MYH11: variants seen among roughly 807,000 people sequenced by gnomAD.
MYH11 encodes the protein myosin-11.
In MYH11, 80 loss-of-function variants were observed where a neutral mutation model predicts 246.6. The ratio of observed to expected loss-of-function variants is 0.32; its 90% CI spans 0.27 to 0.39. The LOEUF (loss-of-function observed/expected upper bound fraction) is 0.39. MYH11 is among the 10% of genes least tolerant of loss of function. The pLI is 1.00. For missense variants in MYH11, 2,158 were observed against 2,546.8 expected, an observed-to-expected ratio of 0.85 and a Z score of 3.29; for synonymous variants, 1,071 against 1,015.5, an observed-to-expected ratio of 1.05 and a Z score of -1.04.
At position 15,737,624 on chromosome 16, in the gene MYH11, CA is replaced by C; in HGVS notation, c.3122-5del. On this transcript the variant is annotated splice_region_variant and splice_polypyrimidine_tract_variant and intron_variant, in intron 24 of 40. Transcript: ENST00000300036. Reference sequence around the variant, plus strand: ...TTCTCTTCCTTCTTTAGCCGCACTGCAAAAACCAAGGTGCTCTTCAGGAAGG... The same window carrying C: ...TTCTCTTCCTTCTTTAGCCGCACTGCAAAACCAAGGTGCTCTTCAGGAAGG... 1.9e-6 allele frequency: 3 copies of C among 1,611,536 alleles called. No homozygotes were observed.
At chr16:15,794,915 A>C (rs2042707375) in intron 4 of MYH11, among the ~76,000 whole-genome samples, 1 of 152,256 alleles carries the variant, frequency 6.6e-6, no homozygotes, top group Non-Finnish European at 1.5e-5. Context: ...TCAGTCTTCC[A>C]AGTCACAGTA....
At chr16:15,798,087 T>G (rs1279177972) in intron 4 of MYH11, among the ~76,000 whole-genome samples, 1 of 152,188 alleles carries the variant, frequency 6.6e-6, no homozygotes, top group Non-Finnish European at 1.5e-5. Flanking sequence ...GAGTTCAATG[T>G]CAATGAATCA....
At chr16:15,753,987 T>C (rs1165727515) in intron 14 of MYH11, among the ~76,000 whole-genome samples, 8 of 151,732 alleles carry the variant, frequency 5.3e-5, no homozygotes, top group Non-Finnish European at 7.4e-5. Context: ...GGGTGGATCA[T>C]TTGAGGTCAG....
intron 6 of MYH11, among the ~76,000 whole-genome samples, chr16:15,781,252 C>T (rs1032402035): frequency 1.3e-5 from 2 of 152,166 alleles, no homozygotes; most frequent in Admixed American, 6.5e-5. Context: ...ATTTCTTCTT[C>T]ATATTCCAGT....
intron 5 of MYH11, chr16:15,786,182 C>G (rs1294661654): frequency 5.8e-6 from 2 of 346,086 alleles, no homozygotes; most frequent in Non-Finnish European, 1.1e-5. Flanking sequence ...CAGGGAACAT[C>G]TGACAATGTC....
At chr16:15,787,311 G>C (rs1213062665) in intron 4 of MYH11, among the ~76,000 whole-genome samples, 2 of 151,996 alleles carry the variant, frequency 1.3e-5, no homozygotes, top group East Asian at 3.9e-4. Context: ...AGGAGGCTGA[G>C]GTGGGAGGAT....
At position 15,771,480 on chromosome 16, in the gene MYH11, A is replaced by AGAAATCTGTCCT; in HGVS notation, c.1033+77_1033+88dup. ...ATGGAAGGTGGGGAATTCAGAGAGC[A>AGAAATCTGTCCT]GAAATCTGTCCTGACCAGAGAAGAG... is the stretch of plus-strand genomic sequence containing the variant. On this transcript the variant is annotated intron_variant, in intron 9 of 40. Coordinates refer to ENST00000300036, the MANE Select transcript of MYH11 (RefSeq NM_002474.3). 3.6e-6 allele frequency: 5 copies of AGAAATCTGTCCT among 1,370,386 alleles called. No homozygotes were observed. In the South Asian group the frequency reaches 6.8e-5, roughly 19 times the overall value. The allele number at this position is 1,370,386 out of a possible 1,614,324, so 84.9% of individuals were successfully genotyped here.
intron 5 of MYH11, chr16:15,786,324 A>G: frequency 4.1e-6 from 2 of 490,886 alleles, no homozygotes; most frequent in South Asian, 3.8e-5. Context: ...TCTGGTCCAA[A>G]ATGACATCAG....
rs1234885453 is a variant in MYH11 at position 15,833,385 on chromosome 16, G to GAGGAAGGA, written c.345+4515_345+4522dup. Among the ~76,000 whole-genome samples the GAGGAAGGA allele has an allele frequency of 9.9e-5, 11 of 110,606 alleles. 1 individual carries two copies. In the South Asian group the frequency reaches 2.4e-3, roughly 24 times the overall value. 72.6% of individuals were successfully genotyped at this position (110,606 alleles called of 152,430 possible). ...AGAAAGAGAGAGGGAGGGAGGGAGG[G>GAGGAAGGA]AGGAAGGAAGGAAGGAAGGAAGGAA... On this transcript the variant is annotated intron_variant, in intron 2 of 40. Coordinates refer to ENST00000300036, the MANE Select transcript of MYH11 (RefSeq NM_002474.3).
intron 23 of MYH11, among the ~76,000 whole-genome samples, chr16:15,738,894 T>C (rs1471873553): frequency 6.6e-6 from 1 of 152,168 alleles, no homozygotes; most frequent in East Asian, 1.9e-4. Context: ...TTGTCCCTCA[T>C]ATTGTATGGT....
At position 15,750,452 on chromosome 16, in the gene MYH11, G is replaced by A. The variant is rs913766175; in HGVS notation, c.1865-121C>T. On this transcript the variant is annotated intron_variant, in intron 15 of 40. Transcript: ENST00000300036. The surrounding 1 kb of genome is among the most constrained non-coding windows in gnomAD (Gnocchi z 4.3). Reference sequence around the variant, plus strand: ...TCCAATCTTTCCTTCCATCACCAACGCCTCCTTCGGCAGTCAGGGTTTCCA... The same window carrying A: ...TCCAATCTTTCCTTCCATCACCAACACCTCCTTCGGCAGTCAGGGTTTCCA... The A allele has an allele frequency of 4.6e-5, 43 of 940,036 alleles. No homozygotes were observed. The highest frequency in any genetic ancestry group is 6.5e-5 in the Non-Finnish European group (40 of 614,018). The allele number at this position is 940,036 out of a possible 1,614,324, so 58.2% of individuals were successfully genotyped here. A position where few individuals can be genotyped will look rare whatever the true frequency, so the allele number is the denominator to read the frequency against.
At chr16:15,758,975 A>AAG (rs1341010954) in intron 12 of MYH11, among the ~76,000 whole-genome samples, 46 of 151,618 alleles carry the variant, frequency 3.0e-4, no homozygotes, top group Non-Finnish European at 6.2e-4. Flanking sequence ...AAAAAAAAAA[A>AAG]ACAAGACAAG....
intron 5 of MYH11, chr16:15,785,008 A>ATTTTTTGTTTTTTTTTTTTT (rs2042436552): frequency 1.0e-5 from 1 of 96,518 alleles, no homozygotes; most frequent in Non-Finnish European, 1.8e-5. Context: ...AATTCTCTTG[A>ATTTTTTGTTTTTTTTTTTTT]TTTTTTTTTT....
At position 15,731,740 on chromosome 16, in the gene MYH11, G is replaced by A. The variant is rs191649213; in HGVS notation, c.3651+824C>T. Among the ~76,000 whole-genome samples, 189 of 151,452 alleles carry A rather than the reference G, an allele frequency of 1.2e-3. 2 individuals are homozygous for A. Among genetic ancestry groups the A allele is most frequent in the Non-Finnish European group, 1.5e-3 (101 of 67,842 alleles). On this transcript the variant is annotated intron_variant, in intron 27 of 40. Transcript: ENST00000300036. The stretch of plus-strand genomic sequence containing the variant: ...ACTCCTGAGCTCAAGTGATTTGCCC[G>A]CCTTGCCTCCCAAATTGCTGGGATT...
chr16:15,732,453 T>C, intron 27 of MYH11, 111 bp downstream of exon 27: 2 of 1,459,308 alleles, frequency 1.4e-6, no homozygotes, highest in Non-Finnish European at 1.9e-6. Context: ...ATCATTAGAA[T>C]CTTATGTAAC....
At chr16:15,834,006 G>A (rs888840233) in intron 2 of MYH11, among the ~76,000 whole-genome samples, 7 of 152,190 alleles carry the variant, frequency 4.6e-5, no homozygotes, top group African/African-American at 1.7e-4. Context: ...GGAATTTGAA[G>A]CTTTGATTCA....
intron 28 of MYH11, chr16:15,726,373 T>C (rs948611697): frequency 1.1e-4 from 19 of 165,616 alleles, no homozygotes; most frequent in Non-Finnish European, 2.2e-4. Context: ...TTTTTTCTTT[T>C]TTTTTTTTTT....
chr16:15,754,423 G>A (rs1380928666), intron 14 of MYH11, among the ~76,000 whole-genome samples: 1 of 152,128 alleles, frequency 6.6e-6, no homozygotes, highest in Non-Finnish European at 1.5e-5. Flanking sequence ...TGATAATACA[G>A]CTTTGCTGGG....
intron 24 of MYH11, among the ~76,000 whole-genome samples, chr16:15,738,022 G>A (rs1404206580): frequency 1.3e-5 from 2 of 151,988 alleles, no homozygotes; most frequent in Admixed American, 6.6e-5. Context: ...TCTTGACCTC[G>A]TGATCCGCCC....
Sources: gnomAD v4.1 joint callset for allele counts (sites outside exome capture counted in the v4.1 genomes callset) on GRCh38, gnomAD v4.1.1 for gene constraint, Gnocchi (gnomAD v3.1) non-coding constraint, MANE v1.5 for transcripts, NCBI Gene and HGNC (gene_info 2026-07-23, HGNC 2026-07-21) for gene names.